CWC25: variants seen among roughly 807,000 people sequenced by gnomAD.
The protein encoded by CWC25 is CWC25 spliceosome associated protein, also known as pre-mRNA-splicing factor CWC25 homolog.
A neutral mutation model predicts 54.6 loss-of-function variants in CWC25; 31 were observed. The observed-to-expected ratio is 0.57, with a 90% CI of 0.43 to 0.77. The LOEUF is 0.77. Among genes scored for constraint, CWC25 ranks in the 30% least tolerant of loss-of-function variants. The pLI, the probability that CWC25 is intolerant of heterozygous loss-of-function variation, is 0.00. For synonymous variants in CWC25, 151 were observed against 187.0 expected (o/e 0.81, Z 1.57); for missense variants, 453 against 529.3 (o/e 0.86, Z 1.41).
At chr17:38,805,816 C>CA (rs1911214072) in intron 8 of CWC25, among the ~76,000 whole-genome samples, 1 of 142,956 alleles carries the variant, frequency 7.0e-6, no homozygotes, top group Non-Finnish European at 1.5e-5. Context: ...TGTTAAGAGA[C>CA]TTTTTTTTTT....
chr17:38,808,160 A>AGGG (rs1911332352), intron 6 of CWC25, among the ~76,000 whole-genome samples: 1 of 134,032 alleles, frequency 7.5e-6, no homozygotes. Context: ...CAAGACGGGC[A>AGGG]GATCACAAGG....
intron 7 of CWC25, 59 bp from the exon 8 acceptor site, chr17:38,806,454 G>T: frequency 7.3e-7 from 1 of 1,370,028 alleles, no homozygotes; most frequent in Non-Finnish European, 1.0e-6. Context: ...GGCTTACACT[G>T]AATCCCTCAA....
At chr17:38,808,946 CAAAA>C (rs71138657) in intron 6 of CWC25, among the ~76,000 whole-genome samples, 4 of 107,980 alleles carry the variant, frequency 3.7e-5, no homozygotes, top group African/African-American at 3.1e-5. Context: ...AACTCCACCT[CAAAA>C]AAAAAAAAAA....
chr17:38,820,454 C>T (rs1277865235), intron 2 of CWC25, among the ~76,000 whole-genome samples: 4 of 151,988 alleles, frequency 2.6e-5, no homozygotes, highest in African/African-American at 9.7e-5. Flanking sequence ...GACAAGCATA[C>T]CATCCACCTT....
chr17:38,821,100 A>T, intron 1 of CWC25, 27 bp from the exon 2 acceptor site: 1 of 1,602,516 alleles, frequency 6.2e-7, no homozygotes, highest in Non-Finnish European at 8.5e-7. Flanking sequence ...GAAGGTGATG[A>T]TAATTCGGGG....
chr17:38,825,144 G>A, intron 1 of CWC25, 22 bp downstream of exon 1: 4 of 1,074,914 alleles, frequency 3.7e-6, no homozygotes, highest in South Asian at 2.1e-5. Flanking sequence ...GTCCTCCCCC[G>A]CCCAGGCCTC....
chr17:38,812,966 A>C, intron 3 of CWC25, 102 bp from the exon 4 acceptor site: 1 of 694,214 alleles, frequency 1.4e-6, no homozygotes, highest in Non-Finnish European at 2.5e-6. Flanking sequence ...CCCATGTTAA[A>C]ATCTACATGA....
At chr17:38,815,669 G>A (rs1442635028) in intron 2 of CWC25, 1 of 1,288,992 alleles carries the variant, frequency 7.8e-7, no homozygotes, top group African/African-American at 1.5e-5. Context: ...AACATGGGGT[G>A]TGGATCTTGG....
intron 1 of CWC25, among the ~76,000 whole-genome samples, chr17:38,824,806 T>C (rs1187984094): frequency 6.6e-6 from 1 of 152,146 alleles, no homozygotes; most frequent in Non-Finnish European, 1.5e-5. Flanking sequence ...GAGAGGTGTG[T>C]GGCAAGACAA....
At chr17:38,818,269 C>G (rs1186693902) in intron 2 of CWC25, among the ~76,000 whole-genome samples, 2 of 150,880 alleles carry the variant, frequency 1.3e-5, no homozygotes, top group Admixed American at 1.3e-4. Context: ...GAATGAGACT[C>G]CATCTCAAAA....
chr17:38,805,664 G>A (rs1323994981), intron 8 of CWC25, among the ~76,000 whole-genome samples: 4 of 152,128 alleles, frequency 2.6e-5, no homozygotes, highest in South Asian at 2.1e-4. Flanking sequence ...AGAGGGTCTC[G>A]CTCTGTCGCC....
intron 8 of CWC25, among the ~76,000 whole-genome samples, chr17:38,804,873 G>A (rs1443443761): frequency 2.0e-5 from 3 of 151,310 alleles, no homozygotes; most frequent in East Asian, 2.0e-4. Flanking sequence ...CTGGGAGGCC[G>A]AGGCAGGCAG....
chr17:38,822,835 C>T (rs758299085), intron 1 of CWC25, among the ~76,000 whole-genome samples: 1 of 149,866 alleles, frequency 6.7e-6, no homozygotes, highest in Non-Finnish European at 1.5e-5. Context: ...AGGCATGCGC[C>T]GCCACGCCTG....
rs770928504 is a variant in CWC25, at chr17:38,802,252, C to T, written c.1164-46G>A. 1.1e-5 allele frequency: 14 copies of T among 1,315,876 alleles called. No individual in the cohort carries two copies. The East Asian group carries it at 3.3e-4, about 31-fold the overall frequency. The allele number at this position is 1,315,876 out of a possible 1,614,324, so 81.5% of individuals were successfully genotyped here. A position where few individuals can be genotyped will look rare whatever the true frequency, so the allele number is the denominator to read the frequency against. On this transcript the variant is annotated intron_variant, in intron 9 of 9. Transcript: ENST00000614790. The stretch of plus-strand genomic sequence containing the variant: ...AATGCAAGTCAAAAACATTTTCAAT[C>T]AGTCAACTATTCTGGCAGCTTCAGA...
intron 6 of CWC25, among the ~76,000 whole-genome samples, chr17:38,807,378 G>A (rs1395283079): frequency 7.3e-6 from 1 of 136,718 alleles, no homozygotes; most frequent in Admixed American, 7.9e-5. Flanking sequence ...TACATAAGGA[G>A]CTCACTGAGC....
chr17:38,825,143 C>A (rs546822914), intron 1 of CWC25, 23 bp downstream of exon 1: 21 of 1,535,984 alleles, frequency 1.4e-5, no homozygotes, highest in East Asian at 4.9e-5. Flanking sequence ...AGTCCTCCCC[C>A]GCCCAGGCCT....
rs753141767 is a variant in CWC25, at chr17:38,817,799, C to CAAT, written c.192-2705_192-2703dup. 2.5e-4 allele frequency among the ~76,000 whole-genome samples: 38 copies of CAAT among 150,450 alleles called. 1 individual carries two copies. The highest frequency in any genetic ancestry group is 4.3e-4 in the Non-Finnish European group (29 of 67,476). On this transcript the variant is annotated intron_variant, in intron 2 of 9. Transcript: ENST00000614790. ...AGACTCTGTCACACAAAAATAATAACAATAATAATAATAATAATTAGCCAG... is the reference window on the plus strand; with the variant it reads ...AGACTCTGTCACACAAAAATAATAACAATAATAATAATAATAATAATTAGCCAG...
At chr17:38,813,857 T>G (rs929201448) in intron 3 of CWC25, among the ~76,000 whole-genome samples, 7 of 151,962 alleles carry the variant, frequency 4.6e-5, no homozygotes, top group East Asian at 3.9e-4. Flanking sequence ...AGTTGTTTTT[T>G]TTGTTGTTGT....
rs1405077121 is a variant in CWC25 at position 38,806,804 on chromosome 17, G to T, written c.863C>A (p.Ser288Tyr). 1 of 1,610,188 alleles carries T rather than the reference G, an allele frequency of 6.2e-7. No homozygotes were observed. Among genetic ancestry groups the T allele is most frequent in the East Asian group, 2.2e-5 (1 of 44,824 alleles). ...TGGGGACCGTGACCTTCTGCCCAGG[G>T]ATCGAGACCTCCTGTCCCGGGACCC... Reference protein sequence around the residue: ...EAGSRDRRSRSLGRRSRSPRP... With the variant: ...EAGSRDRRSRYLGRRSRSPRP... Residue 288 changes from serine to tyrosine, a missense_variant, in exon 7 of 10, where the codon TCC becomes TAC. Ser to Tyr is a moderately radical substitution (Grantham distance 144, BLOSUM62 -2). Around this residue, in one of 2 missense-constraint regions of CWC25, gnomAD observed 444 missense variants for 499.2 expected, o/e 0.89. Transcript: ENST00000614790.
Sources: allele counts gnomAD v4.1 joint callset (sites outside exome capture counted in the v4.1 genomes callset), GRCh38; gene constraint gnomAD v4.1.1; regional missense constraint gnomAD v4.1.1; transcripts MANE v1.5; gene names NCBI Gene and HGNC (gene_info 2026-07-23, HGNC 2026-07-21).